KANSL2: variants seen among roughly 807,000 people sequenced by gnomAD.
The protein encoded by KANSL2 is KAT8 regulatory NSL complex subunit 2, also known as NSL complex protein NSL2.
Under a neutral mutation model 55.6 loss-of-function variants are expected in KANSL2, and 34 were observed. That is an observed-to-expected ratio of 0.61 (90% CI 0.46 to 0.81). The LOEUF is 0.81. KANSL2 is among the 40% of genes least tolerant of loss of function. The probability of loss-of-function intolerance (pLI) is 0.00; values close to 1 mark genes in which losing one functional copy is unlikely to be tolerated. For synonymous variants in KANSL2, 209 were observed against 214.3 expected, an observed-to-expected ratio of 0.98 and a Z score of 0.22; for missense variants, 502 against 609.9, an observed-to-expected ratio of 0.82 and a Z score of 1.86.
chr12:48,678,024 T>G (rs1386143602), intron 4 of KANSL2, among the ~76,000 whole-genome samples: 2 of 152,086 alleles, frequency 1.3e-5, no homozygotes, highest in African/African-American at 4.8e-5. Context: ...CCCAACCTCC[T>G]CTGATCTCAG....
chr12:48,681,872 C>G (rs1050638491), intron 1 of KANSL2: 2 of 704,704 alleles, frequency 2.8e-6, no homozygotes, highest in Admixed American at 2.0e-5. Context: ...CTGAATGTAT[C>G]TTCAGGACTC....
At chr12:48,676,176 T>C (rs534941879) in intron 4 of KANSL2, among the ~76,000 whole-genome samples, 2 of 152,146 alleles carry the variant, frequency 1.3e-5, no homozygotes, top group Non-Finnish European at 2.9e-5. Flanking sequence ...AGTGGCACGA[T>C]CACAGAGCCT....
In KANSL2 at chr12:48,664,879, C is replaced by CTTTTTT. The variant is rs367566566; in HGVS notation, c.973+2808_973+2813dup. On this transcript the variant is annotated intron_variant, in intron 7 of 9. Coordinates refer to ENST00000420613, the MANE Select transcript of KANSL2 (RefSeq NM_017822.4). ...TTACAGGTGTGAGCCACTGCGCCCGCTTTTTTTTTTTTTTTTTTTTTTTTA... is the reference window on the plus strand; with the variant it reads ...TTACAGGTGTGAGCCACTGCGCCCGCTTTTTTTTTTTTTTTTTTTTTTTTTTTTTTA... Among the ~76,000 whole-genome samples the CTTTTTT allele has an allele frequency of 1.1e-4, 10 of 94,666 alleles. 1 individual carries two copies. Among genetic ancestry groups the CTTTTTT allele is most frequent in the Non-Finnish European group, 1.7e-4 (8 of 47,840 alleles). 62.1% of individuals were successfully genotyped at this position (94,666 alleles called of 152,430 possible).
At chr12:48,654,205 A>G in intron 9 of KANSL2, 30 bp from the exon 10 acceptor site, 1 of 1,580,774 alleles carries the variant, frequency 6.3e-7, no homozygotes, top group Non-Finnish European at 8.6e-7. Context: ...CACTTCAGTT[A>G]GTAATTCATT....
In KANSL2 at chr12:48,681,626, T is replaced by C; in HGVS notation, c.7A>G (p.Arg3Gly). Residue 3 changes from arginine to glycine, a missense_variant, in exon 2 of 10, where the codon AGG becomes GGG. By Grantham distance (125) the Arg-to-Gly change is moderately radical (BLOSUM62 -2). Coordinates refer to ENST00000420613, the MANE Select transcript of KANSL2 (RefSeq NM_017822.4). ...GTTGGCAAGACGTGAATCCGAATCC[T>C]GTTCATAACCAAAACCTGCGGGGTC... Reference protein sequence around the residue: MNRIRIHVLPTNR... With the variant: MNGIRIHVLPTNR... 1 of 1,614,036 alleles carries C rather than the reference T, an allele frequency of 6.2e-7. No individual in the cohort carries two copies. Among genetic ancestry groups the C allele is most frequent in the Non-Finnish European group, 8.5e-7 (1 of 1,179,904 alleles).
In KANSL2 at chr12:48,653,850, T is replaced by C. The variant is rs1227924992; in HGVS notation, c.*194A>G. ...CTTTGATAGGGATTATCTCTCTTTC[T>C]CTTCCTTGCCCTGAGTGGGAAGAAA... On this transcript the variant is annotated 3_prime_UTR_variant, in exon 10 of 10. Transcript: ENST00000420613. The C allele has an allele frequency of 6.4e-6, 3 of 465,392 alleles. No homozygotes were observed. The highest frequency in any genetic ancestry group is 4.0e-5 in the African/African-American group (2 of 49,558). The allele number at this position is 465,392 out of a possible 1,614,324, so 28.8% of individuals were successfully genotyped here. A position where few individuals can be genotyped will look rare whatever the true frequency, so the allele number is the denominator to read the frequency against.
At chr12:48,655,617 C>A (rs987709427) in intron 8 of KANSL2, among the ~76,000 whole-genome samples, 1 of 150,454 alleles carries the variant, frequency 6.6e-6, no homozygotes, top group African/African-American at 2.4e-5. Flanking sequence ...AAAGTAGAAA[C>A]GGAGAATAGT....
At chr12:48,671,341 C>A (rs577841002) in intron 5 of KANSL2, among the ~76,000 whole-genome samples, 1 of 149,798 alleles carries the variant, frequency 6.7e-6, no homozygotes, top group African/African-American at 2.5e-5. Flanking sequence ...ATTGAAGAAA[C>A]TTTTTTTATA....
At chr12:48,678,890 C>T in intron 4 of KANSL2, 146 bp downstream of exon 4, 1 of 564,844 alleles carries the variant, frequency 1.8e-6, no homozygotes, top group Non-Finnish European at 3.1e-6. Flanking sequence ...CGACAATGAA[C>T]CATGCCACTT....
In KANSL2 at chr12:48,672,534, G is replaced by A. The variant is rs1939745535; in HGVS notation, c.546-572C>T. ...TAACCTTTGCTTCCTGGGCTCAAGC[G>A]ATCCTCCCACGTCAGCCTGCCGAGT... On this transcript the variant is annotated intron_variant, in intron 4 of 9. Coordinates refer to ENST00000420613, the MANE Select transcript of KANSL2 (RefSeq NM_017822.4). Among the ~76,000 whole-genome samples the A allele has an allele frequency of 3.3e-5, 5 of 149,460 alleles. No homozygotes were observed. In the South Asian group the frequency reaches 1.1e-3, roughly 32 times the overall value.
chr12:48,655,611 T>C (rs1454236585), intron 8 of KANSL2, among the ~76,000 whole-genome samples: 2 of 150,398 alleles, frequency 1.3e-5, no homozygotes, highest in Non-Finnish European at 3.0e-5. Context: ...AAACACAAAG[T>C]AGAAACGGAG....
At chr12:48,663,185 T>C (rs946571457) in intron 7 of KANSL2, among the ~76,000 whole-genome samples, 6 of 152,348 alleles carry the variant, frequency 3.9e-5, no homozygotes, top group South Asian at 2.1e-4. Context: ...TGTAAAAATA[T>C]TGGTCTGCAT....
chr12:48,679,174 C>T, intron 3 of KANSL2, 24 bp from the exon 4 acceptor site: 1 of 1,494,680 alleles, frequency 6.7e-7, no homozygotes, highest in East Asian at 2.3e-5. Flanking sequence ...GGGAGAGCAG[C>T]CATTAAGACT....
rs974472448 is a variant in KANSL2 at position 48,671,722 on chromosome 12, T to A, written c.709+77A>T. On this transcript the variant is annotated intron_variant, in intron 5 of 9. Transcript: ENST00000420613. ...CCTAACAAAGTATGTATCCCCATCA[T>A]TAAGTGACACATGACTGTACTACCA... 3.6e-6 allele frequency: 5 copies of A among 1,387,334 alleles called. No homozygotes were observed. The African/African-American group carries it at 5.8e-5, about 16-fold the overall frequency. 85.9% of individuals were successfully genotyped at this position (1,387,334 alleles called of 1,614,324 possible).
chr12:48,681,336 C>G (rs780394082), intron 2 of KANSL2, 46 bp downstream of exon 2: 3 of 1,552,744 alleles, frequency 1.9e-6, no homozygotes, highest in Non-Finnish European at 2.6e-6. Flanking sequence ...ATATCACATA[C>G]CCCCTCGCTT....
intron 5 of KANSL2, among the ~76,000 whole-genome samples, chr12:48,670,184 G>A (rs1345291054): frequency 7.0e-6 from 1 of 142,168 alleles, no homozygotes; most frequent in South Asian, 2.4e-4. Context: ...TGGCGACAGA[G>A]TGAGACTATA....
intron 7 of KANSL2, among the ~76,000 whole-genome samples, chr12:48,660,845 C>T (rs1475385030): frequency 2.0e-5 from 3 of 152,158 alleles, no homozygotes; most frequent in Admixed American, 2.0e-4. Flanking sequence ...TAAAACTTGT[C>T]CCCAACCTCC....
intron 7 of KANSL2, chr12:48,662,536 A>C (rs952440742): frequency 8.8e-6 from 11 of 1,256,468 alleles, no homozygotes; most frequent in Non-Finnish European, 1.0e-5. Flanking sequence ...AAAAGAGGTA[A>C]AAAGAAGGGA....
chr12:48,667,926 T>C, intron 6 of KANSL2, 137 bp from the exon 7 acceptor site: 1 of 645,342 alleles, frequency 1.5e-6, no homozygotes. Context: ...ACCAATATTA[T>C]GCAAAAGACA....
Sources: gnomAD v4.1 joint callset for allele counts (sites outside exome capture counted in the v4.1 genomes callset) on GRCh38, gnomAD v4.1.1 for gene constraint, MANE v1.5 for transcripts, NCBI Gene and HGNC (gene_info 2026-07-23, HGNC 2026-07-21) for gene names.